Variants in METTL25 observed in about 807,000 individuals in gnomAD.
The protein encoded by METTL25 is methyltransferase like 25, also known as probable methyltransferase-like protein 25.
METTL25 carries 64 observed loss-of-function variants against 71.6 expected under a neutral mutation model. The ratio of observed to expected loss-of-function variants is 0.89; its 90% CI spans 0.73 to 1.10. METTL25 has a LOEUF of 1.10. Among genes scored for constraint, METTL25 ranks in the 50% least tolerant of loss-of-function variants. The pLI is 0.00. For missense variants in METTL25, 807 were observed against 707.0 expected (o/e 1.14, Z -1.60); for synonymous variants, 287 against 250.3 (o/e 1.15, Z -1.38).
chr12:82,398,908 G>T lies in METTL25; in HGVS notation c.645G>T (p.Glu215Asp), dbSNP rs770874175. 6.2e-7 allele frequency: 1 copy of T among 1,612,686 alleles called. No homozygotes were observed. Among genetic ancestry groups the T allele is most frequent in the Non-Finnish European group, 8.5e-7 (1 of 1,179,606 alleles). ...SSNTNTHGAEERNRKLKKHWK... is the reference protein window; with the variant it reads ...SSNTNTHGAEDRNRKLKKHWK... ...ATACCAATACTCATGGAGCTGAGGA[G>T]AGAAACAGAAAATTGAAGAAACATT... Residue 215 changes from glutamate to aspartate, a missense_variant, in exon 4 of 12, where the codon GAG (glutamate) becomes GAT (aspartate). Physicochemically the swap from Glu to Asp is conservative, Grantham distance 45. Coordinates refer to ENST00000248306, the MANE Select transcript of METTL25 (RefSeq NM_032230.3).
At chr12:82,419,362 GA>G (rs752286332) in intron 5 of METTL25, among the ~76,000 whole-genome samples, 30 of 152,194 alleles carry the variant, frequency 2.0e-4, no homozygotes, top group Middle Eastern at 3.4e-3. Context: ...CCTGGGCCTT[GA>G]AGGGAAAAGA....
In METTL25 at chr12:82,408,572, C is replaced by G. The variant is rs528435126; in HGVS notation, c.1279+5442C>G. ...TATCCCTAGATTTTTGATAGCTTAC[C>G]TTTATCAATGAACAGATGTGACTCC... On this transcript the variant is annotated intron_variant, in intron 5 of 11. Transcript: ENST00000248306. Among the ~76,000 whole-genome samples the G allele has an allele frequency of 5.4e-5, 8 of 148,694 alleles. No individual in the cohort carries two copies. The East Asian group carries it at 1.0e-3, about 19-fold the overall frequency.
At chr12:82,475,306 A>G (rs1387852873) in intron 9 of METTL25, among the ~76,000 whole-genome samples, 2 of 152,168 alleles carry the variant, frequency 1.3e-5, no homozygotes, top group African/African-American at 2.4e-5. Context: ...TTCTTCTACA[A>G]AAGTTTGCTC....
intron 1 of METTL25, among the ~76,000 whole-genome samples, chr12:82,362,852 A>G (rs747425429): frequency 2.0e-5 from 3 of 152,224 alleles, no homozygotes; most frequent in Non-Finnish European, 2.9e-5. Flanking sequence ...GCAGATAACA[A>G]TGATGAAAAC....
chr12:82,397,867 G>A (rs1309421662), intron 3 of METTL25, among the ~76,000 whole-genome samples: 1 of 151,832 alleles, frequency 6.6e-6, no homozygotes, highest in Non-Finnish European at 1.5e-5. Context: ...ACTAGCTGTA[G>A]CTATACTACA....
Position 82,386,904 on chromosome 12 carries a change from G to T in METTL25, c.361G>T (p.Gly121Ter). The T allele has an allele frequency of 6.2e-7, 1 of 1,613,310 alleles. No individual in the cohort carries two copies. The highest frequency in any genetic ancestry group is 1.1e-5 in the South Asian group (1 of 91,042). The part of the protein sequence containing the change: ...AAKYYSVQNL[G>*]ICTPFEQLLV... ...GAAATACTATTCTGTACAAAACTTG[G>T]GAATATGTACTCCTTTTGAACAGTT... The change falls in exon 2 of 12, where the codon GGA becomes TGA. Residue 121 changes from glycine to a stop codon, truncating the protein, a stop_gained. Transcript: ENST00000248306. LOFTEE classifies it high-confidence loss of function.
At chr12:82,418,639 T>C (rs1888193002) in intron 5 of METTL25, among the ~76,000 whole-genome samples, 2 of 152,154 alleles carry the variant, frequency 1.3e-5, no homozygotes, top group African/African-American at 2.4e-5. Context: ...GGATCTATAC[T>C]AAGTGCCACT....
intron 8 of METTL25, chr12:82,451,305 C>T (rs964021591): frequency 6.2e-6 from 6 of 968,428 alleles, no homozygotes; most frequent in East Asian, 1.1e-4. Flanking sequence ...GAGACAGCAG[C>T]GTGTCACCAT....
At chr12:82,376,302 T>G (rs550436904) in intron 1 of METTL25, among the ~76,000 whole-genome samples, 2 of 152,332 alleles carry the variant, frequency 1.3e-5, no homozygotes, top group African/African-American at 2.4e-5. Flanking sequence ...TCTTCTAAAT[T>G]AAAAACATGT....
intron 8 of METTL25, 80 bp downstream of exon 8, chr12:82,438,871 C>T: frequency 1.5e-6 from 2 of 1,327,094 alleles, no homozygotes; most frequent in East Asian, 2.7e-5. Flanking sequence ...TGAATTTATG[C>T]AGGGTCACTG....
intron 2 of METTL25, among the ~76,000 whole-genome samples, chr12:82,388,620 A>G (rs1885272597): frequency 6.6e-6 from 1 of 152,054 alleles, no homozygotes; most frequent in Non-Finnish European, 1.5e-5. Context: ...AAAGTGAGTA[A>G]AGATGTTATA....
chr12:82,457,605 CT>C (rs1474426143), intron 9 of METTL25, among the ~76,000 whole-genome samples: 2 of 152,032 alleles, frequency 1.3e-5, no homozygotes, highest in East Asian at 3.9e-4. Flanking sequence ...GTTTCCTCCC[CT>C]TTAAAATAGC....
intron 1 of METTL25, among the ~76,000 whole-genome samples, chr12:82,367,119 C>G (rs1882659149): frequency 6.6e-6 from 1 of 152,088 alleles, no homozygotes; most frequent in Admixed American, 6.6e-5. Context: ...TCCCCTTTCC[C>G]CATATCTTTC....
chr12:82,438,632 G>T, intron 7 of METTL25, 86 bp from the exon 8 acceptor site: 1 of 759,988 alleles, frequency 1.3e-6, no homozygotes, highest in East Asian at 3.1e-5. Context: ...GTTTCTGACA[G>T]TCACGTGTGG....
rs1449168034 is a variant in METTL25, at chr12:82,369,438, G to T, written c.259+10614G>T. 5 of 450,258 alleles carry T rather than the reference G, an allele frequency of 1.1e-5. No homozygotes were observed. The Admixed American group carries it at 1.2e-4, about 11-fold the overall frequency. The allele number at this position is 450,258 out of a possible 1,614,324, so 27.9% of individuals were successfully genotyped here. A position where few individuals can be genotyped will look rare whatever the true frequency, so the allele number is the denominator to read the frequency against. On this transcript the variant is annotated intron_variant, in intron 1 of 11. Transcript: ENST00000248306. ...GAATGAAGCCACGGACCTTTGCGGT[G>T]ACTGTTACAGCTCTTAAAGATGGTG...
At chr12:82,397,199 T>C (rs968150083) in intron 3 of METTL25, among the ~76,000 whole-genome samples, 3 of 152,128 alleles carry the variant, frequency 2.0e-5, no homozygotes, top group African/African-American at 7.2e-5. Context: ...CCATTTTACA[T>C]CTGCGTACAT....
intron 9 of METTL25, among the ~76,000 whole-genome samples, chr12:82,460,912 G>A (rs1210685107): frequency 1.3e-5 from 2 of 152,212 alleles, no homozygotes; most frequent in Non-Finnish European, 2.9e-5. Context: ...GGGAGGCCAA[G>A]GCGGGCGGAT....
At chr12:82,445,972 A>G (rs1454336572) in intron 8 of METTL25, among the ~76,000 whole-genome samples, 2 of 152,166 alleles carry the variant, frequency 1.3e-5, no homozygotes, top group African/African-American at 2.4e-5. Flanking sequence ...CAACAGTTAC[A>G]TGCAAATTTT....
intron 8 of METTL25, among the ~76,000 whole-genome samples, chr12:82,444,058 G>C (rs1209826414): frequency 1.3e-5 from 2 of 152,106 alleles, no homozygotes; most frequent in Non-Finnish European, 2.9e-5. Context: ...CTCAGAAAAT[G>C]ATACAAATAC....
Sources: allele counts gnomAD v4.1 joint callset (sites outside exome capture counted in the v4.1 genomes callset), GRCh38; gene constraint gnomAD v4.1.1; transcripts MANE v1.5; gene names NCBI Gene and HGNC (gene_info 2026-07-23, HGNC 2026-07-21).